Variants in CASK observed in about 807,000 individuals in gnomAD.
CASK encodes peripheral plasma membrane protein CASK.
CASK carries 4 observed loss-of-function variants against 82.9 expected under a neutral mutation model. The observed-to-expected ratio is 0.05, with a 90% confidence interval of 0.02 to 0.11. The LOEUF is 0.11. Among genes scored for constraint, CASK ranks in the 10% least tolerant of loss-of-function variants. The pLI is 1.00. For missense variants in CASK, 358 were observed against 720.9 expected (o/e 0.50, Z 5.76); for synonymous variants, 259 against 253.5 (o/e 1.02, Z -0.20).
At chrX:41,840,554 T>C (rs2071015614) in intron 2 of CASK, among the ~76,000 whole-genome samples, 1 of 111,983 alleles carries the variant, frequency 8.9e-6, no homozygotes, top group South Asian at 3.7e-4. Context: ...TTCCCCCCAA[T>C]CTGTATAGCT....
At chrX:41,682,734 C>T (rs2067381060) in intron 5 of CASK, among the ~76,000 whole-genome samples, 1 of 107,933 alleles carries the variant, frequency 9.3e-6, no homozygotes, top group African/African-American at 3.4e-5. Flanking sequence ...GCCTCAGTCT[C>T]CAGAGAAGCT....
chrX:41,895,821 T>A (rs2072260561), intron 1 of CASK, among the ~76,000 whole-genome samples: 1 of 111,672 alleles, frequency 9.0e-6, no homozygotes, highest in African/African-American at 3.3e-5. Context: ...AGGTAAAAGC[T>A]CAGGAATTGC....
At chrX:41,863,553 A>G (rs1393400716) in intron 1 of CASK, among the ~76,000 whole-genome samples, 1 of 112,548 alleles carries the variant, frequency 8.9e-6, no homozygotes, top group Non-Finnish European at 1.9e-5. Context: ...TCTGCCCTAA[A>G]CAGGAACACT....
chrX:41,841,156 T>C (rs2147946988), intron 2 of CASK, among the ~76,000 whole-genome samples: 1 of 112,240 alleles, frequency 8.9e-6, no homozygotes, highest in African/African-American at 3.2e-5. Flanking sequence ...GTATTCCCAA[T>C]AGCAATTTAT....
intron 11 of CASK, among the ~76,000 whole-genome samples, chrX:41,614,761 T>C (rs1179765436): frequency 8.9e-6 from 1 of 112,016 alleles, no homozygotes; most frequent in African/African-American, 3.3e-5. Flanking sequence ...CCTCGTGATC[T>C]GCCCGCCTTG....
At chrX:41,632,008 G>A (rs1416976883) in intron 9 of CASK, among the ~76,000 whole-genome samples, 1 of 110,904 alleles carries the variant, frequency 9.0e-6, no homozygotes, top group African/African-American at 3.3e-5. Flanking sequence ...ACAGCTCACT[G>A]CAGCCTTGAC....
At chrX:41,715,433 G>A (rs1408680425) in intron 5 of CASK, among the ~76,000 whole-genome samples, 5 of 110,873 alleles carry the variant, frequency 4.5e-5, no homozygotes, top group Non-Finnish European at 9.5e-5. Flanking sequence ...CACCCTGGCC[G>A]ACATGGCGAA....
intron 2 of CASK, among the ~76,000 whole-genome samples, chrX:41,849,100 A>T (rs1461162012): frequency 9.0e-6 from 1 of 111,600 alleles, no homozygotes; most frequent in East Asian, 2.8e-4. Flanking sequence ...ATTCTTGAAG[A>T]CTAAGCAAAC....
rs1190333268 is a variant in CASK at position 41,569,817 on chromosome X, A to AT, written c.1504-72dup. The AT allele has an allele frequency of 1.3e-5, 8 of 635,414 alleles. No individual in the cohort carries two copies. The South Asian group carries it at 2.2e-4, about 17-fold the overall frequency. 52.4% of individuals were successfully genotyped at this position (635,414 alleles called of 1,213,427 possible). A position where few individuals can be genotyped will look rare whatever the true frequency, so the allele number is the denominator to read the frequency against. On this transcript the variant is annotated intron_variant, in intron 15 of 26. Coordinates refer to ENST00000378163, the MANE Select transcript of CASK (RefSeq NM_001367721.1). Reference sequence around the variant, plus strand: ...GACAGTGCTTCTCTTAATATTTGTGATTTTGCGGTAGATAATTTTAATTAC... The same window carrying AT: ...GACAGTGCTTCTCTTAATATTTGTGATTTTTGCGGTAGATAATTTTAATTAC...
chrX:41,827,810 T>A, intron 2 of CASK, among the ~76,000 whole-genome samples: 1 of 112,310 alleles, frequency 8.9e-6, no homozygotes, highest in African/African-American at 3.2e-5. Context: ...AAGAAAAATG[T>A]ATGTCTTGTC....
At chrX:41,709,699 CTTATTA>C (rs1489114763) in intron 5 of CASK, among the ~76,000 whole-genome samples, 1 of 111,330 alleles carries the variant, frequency 9.0e-6, no homozygotes, top group African/African-American at 3.3e-5. Context: ...GTGGCTGTCA[CTTATTA>C]TTATTAATTT....
At chrX:41,898,155 T>C (rs1203895243) in intron 1 of CASK, among the ~76,000 whole-genome samples, 1 of 111,661 alleles carries the variant, frequency 9.0e-6, no homozygotes, top group African/African-American at 3.2e-5. Context: ...TTTCTCATTA[T>C]AGGTCTGTTC....
chrX:41,613,179 T>C (rs1449849060), intron 11 of CASK, among the ~76,000 whole-genome samples: 1 of 111,863 alleles, frequency 8.9e-6, no homozygotes, highest in Non-Finnish European at 1.9e-5. Flanking sequence ...GGCGGTTTTG[T>C]GGAATGGAAA....
intron 21 of CASK, among the ~76,000 whole-genome samples, chrX:41,543,709 G>A (rs1244727428): frequency 2.7e-5 from 3 of 111,757 alleles, no homozygotes; most frequent in Admixed American, 9.5e-5. Context: ...GGCCAACCAA[G>A]GGTCCCCAAG....
At chrX:41,727,093 A>C (rs2068274264) in intron 5 of CASK, 8 of 1,169,266 alleles carry the variant, frequency 6.8e-6, no homozygotes, top group Middle Eastern at 4.7e-4. Flanking sequence ...AATCATTTAC[A>C]TCCTCCTTTG....
intron 5 of CASK, among the ~76,000 whole-genome samples, chrX:41,698,983 G>C (rs1260452064): frequency 9.0e-6 from 1 of 111,235 alleles, no homozygotes; most frequent in Non-Finnish European, 1.9e-5. Flanking sequence ...TTGGAGTACA[G>C]TGGCGTGATC....
chrX:41,921,093 T>C (rs1233407647), intron 1 of CASK, among the ~76,000 whole-genome samples: 1 of 112,144 alleles, frequency 8.9e-6, no homozygotes, highest in Non-Finnish European at 1.9e-5. Context: ...CTGGTCCGAC[T>C]GGGAAACTGA....
intron 2 of CASK, among the ~76,000 whole-genome samples, chrX:41,832,173 C>T (rs1169759516): frequency 9.0e-6 from 1 of 111,056 alleles, no homozygotes; most frequent in Non-Finnish European, 1.9e-5. Context: ...TGGTGGAAAG[C>T]TGGTATAATA....
At chrX:41,562,059 G>C (rs937171073) in intron 16 of CASK, 1 of 126,700 alleles carries the variant, frequency 7.9e-6, no homozygotes, top group Non-Finnish European at 1.6e-5. Flanking sequence ...CCATCTCATA[G>C]GATTGTTTTA....
Sources: gnomAD v4.1 joint callset for allele counts (sites outside exome capture counted in the v4.1 genomes callset) on GRCh38, gnomAD v4.1.1 for gene constraint, MANE v1.5 for transcripts, NCBI Gene and HGNC (gene_info 2026-07-23, HGNC 2026-07-21) for gene names.